TMEM183A: variants seen among roughly 807,000 people sequenced by gnomAD.
The protein encoded by TMEM183A is chromosome 1 open reading frame 37.
TMEM183A carries 21 observed loss-of-function variants against 46.7 expected under a neutral mutation model. The observed-to-expected ratio is 0.45, with a 90% CI of 0.32 to 0.65. TMEM183A has a LOEUF of 0.65. TMEM183A is among the 30% of genes least tolerant of loss of function. The pLI is 0.04. For missense variants in TMEM183A, 331 were observed against 481.9 expected (o/e 0.69, Z 2.93); for synonymous variants, 165 against 180.2 (o/e 0.92, Z 0.68).
In TMEM183A at chr1:203,013,558, C is replaced by G. The variant is rs1000527530; in HGVS notation, c.368-1331C>G. ...ATAGAGTTTCACTCTGTCGCCCAGG[C>G]TGGAGTGCAGTGGCGCTATCTCGGC... On this transcript the variant is annotated intron_variant, in intron 3 of 7. Transcript: ENST00000367242. The surrounding 1 kb of genome is among the most constrained non-coding windows in gnomAD (Gnocchi z 4.0). 1.3e-5 allele frequency among the ~76,000 whole-genome samples: 2 copies of G among 151,914 alleles called. No homozygotes were observed. The highest frequency in any genetic ancestry group is 4.8e-5 in the African/African-American group (2 of 41,316).
Position 203,024,718 on chromosome 1 carries a change from G to A in TMEM183A, c.*1678G>A, listed in dbSNP as rs1463753710. ...TAAAAGTTGCCTCTTTGAGGCAGGA[G>A]GGGAGAAGCACAGTCCCTGCCAGGT... On this transcript the variant is annotated 3_prime_UTR_variant, in exon 8 of 8. Transcript: ENST00000367242. 2.0e-5 allele frequency: 3 copies of A among 152,174 alleles called. No homozygotes were observed. In the East Asian group the frequency reaches 5.8e-4, roughly 29 times the overall value. 9.4% of individuals were successfully genotyped at this position (152,174 alleles called of 1,614,324 possible). A position where few individuals can be genotyped will look rare whatever the true frequency, so the allele number is the denominator to read the frequency against.
At position 203,008,641 on chromosome 1, in the gene TMEM183A, A is replaced by G; in HGVS notation, c.200-2A>G. 2 of 1,533,990 alleles carry G rather than the reference A, an allele frequency of 1.3e-6. No individual in the cohort carries two copies. Among genetic ancestry groups the G allele is most frequent in the Non-Finnish European group, 1.8e-6 (2 of 1,140,854 alleles). The stretch of plus-strand genomic sequence containing the variant: ...TCTCATTCTCCTTTTATTTTCTTCT[A>G]GTAAAATCTCTTTGTGGCTTGGAAG... On this transcript the variant is annotated splice_acceptor_variant, in intron 2 of 7. Coordinates refer to ENST00000367242, the MANE Select transcript of TMEM183A (RefSeq NM_138391.6). LOFTEE classifies it high-confidence loss of function.
At chr1:203,015,242 CGT>C (rs1262721503) in intron 4 of TMEM183A, 194 bp downstream of exon 4, 1 of 822,268 alleles carries the variant, frequency 1.2e-6, no homozygotes, top group African/African-American at 1.7e-5. Context: ...AATTGTCTTC[CGT>C]GTGGTTGCCT....
intron 3 of TMEM183A, among the ~76,000 whole-genome samples, chr1:203,011,119 T>C (rs1656531519): frequency 6.6e-6 from 1 of 152,222 alleles, no homozygotes. Flanking sequence ...ATAGGTTTTT[T>C]TAGTTTTGGT....
intron 3 of TMEM183A, among the ~76,000 whole-genome samples, chr1:203,009,514 G>A (rs1311544957): frequency 6.6e-6 from 1 of 152,126 alleles, no homozygotes; most frequent in Non-Finnish European, 1.5e-5. Context: ...CAGGGTTTTG[G>A]TCTCTTGCCT....
intron 7 of TMEM183A, 33 bp downstream of exon 7, chr1:203,020,981 C>CTT: frequency 7.9e-7 from 1 of 1,271,966 alleles, no homozygotes; most frequent in Non-Finnish European, 1.0e-6. Context: ...ATTCTCAGCT[C>CTT]CTTTTTTTTT....
In TMEM183A at chr1:203,008,696, T is replaced by G. The variant is rs1440736675; in HGVS notation, c.253T>G (p.Ser85Ala). The G allele has an allele frequency of 6.2e-7, 1 of 1,605,072 alleles. No individual in the cohort carries two copies. Among genetic ancestry groups the G allele is most frequent in the Non-Finnish European group, 8.5e-7 (1 of 1,175,914 alleles). The change falls in exon 3 of 8, where the codon TCT becomes GCT. Residue 85 changes from serine to alanine, a missense_variant. This residue lies in a region of TMEM183A where 233 missense variants were observed against 385.8 expected (regional missense o/e 0.60). Coordinates refer to ENST00000367242, the MANE Select transcript of TMEM183A (RefSeq NM_138391.6). ...ASQVPAEEAL[S>A]GAGEPCDIID... ...TCAGGTTCCTGCAGAGGAAGCTCTT[T>G]CTGGGGCTGGTGAGCCCTGTGACAT... is the stretch of plus-strand genomic sequence containing the variant.
In TMEM183A at chr1:203,015,927, A is replaced by C; in HGVS notation, c.528-33A>C. The C allele has an allele frequency of 1.9e-6, 3 of 1,603,950 alleles. No homozygotes were observed. The East Asian group carries it at 6.7e-5, about 36-fold the overall frequency. ...TGACCTAGAGCAGGAGAGACAGGTC[A>C]CATATTGGTAGGAGTAATGTGTCAT... On this transcript the variant is annotated intron_variant, in intron 4 of 7. Coordinates refer to ENST00000367242, the MANE Select transcript of TMEM183A (RefSeq NM_138391.6).
chr1:203,021,283 C>T (rs149209336), intron 7 of TMEM183A, among the ~76,000 whole-genome samples: 490 of 152,168 alleles, frequency 3.2e-3, no homozygotes, highest in African/African-American at 0.011. Flanking sequence ...TCTTCCACGT[C>T]GGCCTCTCAA....
At chr1:203,015,407 G>A (rs533758346) in intron 4 of TMEM183A, 1 of 283,676 alleles carries the variant, frequency 3.5e-6, no homozygotes, top group East Asian at 8.3e-5. Context: ...ATTAGGTGTT[G>A]CTTAGATTTG....
intron 6 of TMEM183A, 124 bp from the exon 7 acceptor site, chr1:203,020,669 T>G: frequency 2.4e-6 from 3 of 1,225,494 alleles, no homozygotes; most frequent in Non-Finnish European, 3.4e-6. Context: ...GAAACATGTA[T>G]AAAGAGAGAA....
chr1:203,014,539 G>T (rs1656979522), intron 3 of TMEM183A, among the ~76,000 whole-genome samples: 2 of 152,074 alleles, frequency 1.3e-5, no homozygotes, highest in African/African-American at 2.4e-5. Flanking sequence ...GGAGGCGGAG[G>T]TTGTATTGAG....
chr1:203,011,072 C>T (rs1164931966), intron 3 of TMEM183A, among the ~76,000 whole-genome samples: 2 of 152,164 alleles, frequency 1.3e-5, no homozygotes, highest in Non-Finnish European at 2.9e-5. Flanking sequence ...ATGAATAATG[C>T]TGCTGTGAAC....
At chr1:203,014,300 C>G (rs1421302788) in intron 3 of TMEM183A, among the ~76,000 whole-genome samples, 4 of 152,150 alleles carry the variant, frequency 2.6e-5, no homozygotes, top group Non-Finnish European at 4.4e-5. Context: ...TGCAAAGGCA[C>G]TTTTGAAACT....
intron 2 of TMEM183A, among the ~76,000 whole-genome samples, chr1:203,008,117 T>G (rs1363644515): frequency 6.6e-6 from 1 of 152,254 alleles, no homozygotes; most frequent in Non-Finnish European, 1.5e-5. Flanking sequence ...TCTTGGTTAT[T>G]AATCTCTTTG....
intron 3 of TMEM183A, among the ~76,000 whole-genome samples, chr1:203,010,502 TC>T (rs1656466467): frequency 6.6e-6 from 1 of 152,160 alleles, no homozygotes; most frequent in Admixed American, 6.5e-5. Context: ...GTCAAGATAT[TC>T]CAAAATGCGG....
intron 2 of TMEM183A, 61 bp from the exon 3 acceptor site, chr1:203,008,582 A>C (rs1483144683): frequency 2.2e-6 from 3 of 1,343,276 alleles, no homozygotes; most frequent in Non-Finnish European, 2.9e-6. Context: ...ACCTTGGCTA[A>C]GTTGTTTGTA....
At chr1:203,018,351 C>T in intron 5 of TMEM183A, 130 bp from the exon 6 acceptor site, 1 of 1,043,476 alleles carries the variant, frequency 9.6e-7, no homozygotes, top group Non-Finnish European at 1.4e-6. Context: ...AGTAAAATCT[C>T]AGCATTGGGA....
chr1:203,007,447 C>A lies in TMEM183A; in HGVS notation c.-19C>A, dbSNP rs777275861. On this transcript the variant is annotated 5_prime_UTR_variant, in exon 1 of 8. Transcript: ENST00000367242. Reference sequence around the variant, plus strand: ...GGAGCTGGCTTGCGGCTCCCGGGGCCGGCTCTCCGGCCGGAGACATGGCCC... The same window carrying A: ...GGAGCTGGCTTGCGGCTCCCGGGGCAGGCTCTCCGGCCGGAGACATGGCCC... 6.4e-6 allele frequency: 9 copies of A among 1,412,056 alleles called. No individual in the cohort carries two copies. The highest frequency in any genetic ancestry group is 8.3e-6 in the Non-Finnish European group (9 of 1,081,038). 87.5% of individuals were successfully genotyped at this position (1,412,056 alleles called of 1,614,324 possible). A position where few individuals can be genotyped will look rare whatever the true frequency, so the allele number is the denominator to read the frequency against.
Sources: allele counts gnomAD v4.1 joint callset (sites outside exome capture counted in the v4.1 genomes callset), GRCh38; gene constraint gnomAD v4.1.1; regional missense constraint gnomAD v4.1.1; non-coding constraint Gnocchi (gnomAD v3.1); transcripts MANE v1.5; gene names NCBI Gene and HGNC (gene_info 2026-07-23, HGNC 2026-07-21).